The following PCGF5 variants were observed in gnomAD, a reference collection of about 807,000 sequenced individuals.
The protein encoded by PCGF5 is polycomb group ring finger 5.
In PCGF5, 9 loss-of-function variants were observed where a neutral mutation model predicts 44.3. The observed-to-expected ratio is 0.20, with a 90% CI of 0.12 to 0.35. PCGF5 has a LOEUF of 0.35. Among genes scored for constraint, PCGF5 ranks in the 10% least tolerant of loss-of-function variants. The probability of loss-of-function intolerance (pLI) is 1.00; values close to 1 mark genes in which losing one functional copy is unlikely to be tolerated. For synonymous variants in PCGF5, 95 were observed against 102.5 expected (o/e 0.93, Z 0.44); for missense variants, 146 against 305.3 (o/e 0.48, Z 3.89).
At chr10:91,185,866 T>C (rs1241587396) in intron 1 of PCGF5, among the ~76,000 whole-genome samples, 1 of 152,086 alleles carries the variant, frequency 6.6e-6, no homozygotes, top group Non-Finnish European at 1.5e-5. Flanking sequence ...TCATTTTGCC[T>C]TGCTTTTCTC....
At chr10:91,168,853 G>T (rs1470841460) in intron 1 of PCGF5, among the ~76,000 whole-genome samples, 1 of 146,786 alleles carries the variant, frequency 6.8e-6, no homozygotes, top group Non-Finnish European at 1.5e-5. Context: ...ACATGAATCT[G>T]GGAGGCGGAG....
the PCGF5 span, among the ~76,000 whole-genome samples, chr10:91,157,404 T>A: frequency 6.6e-6 from 1 of 152,234 alleles, no homozygotes. Context: ...TGAATTTGAT[T>A]TTATATGGCA....
chr10:91,283,073 A>G lies in PCGF5; in HGVS notation c.*4757A>G, dbSNP rs913219334. The G allele has an allele frequency of 3.3e-5, 5 of 152,264 alleles. No individual in the cohort carries two copies. Among genetic ancestry groups the G allele is most frequent in the Admixed American group, 2.0e-4 (3 of 15,288 alleles). 9.4% of individuals were successfully genotyped at this position (152,264 alleles called of 1,614,324 possible). ...CTAGTTGAGTAGCATTTTGACAGAA[A>G]ATATCAGACTGAAAGTTCATTCAAA... is the stretch of plus-strand genomic sequence containing the variant. On this transcript the variant is annotated 3_prime_UTR_variant, in exon 10 of 10. Transcript: ENST00000336126.
chr10:91,248,364 G>A, intron 3 of PCGF5, 141 bp from the exon 4 acceptor site: 2 of 770,918 alleles, frequency 2.6e-6, no homozygotes, highest in Admixed American at 2.3e-5. Flanking sequence ...GTGTTCCATG[G>A]ACAGAAGAGT....
intron 8 of PCGF5, among the ~76,000 whole-genome samples, chr10:91,265,718 G>C (rs1395741468): frequency 6.6e-6 from 1 of 152,126 alleles, no homozygotes; most frequent in African/African-American, 2.4e-5. Flanking sequence ...TTGGCTCTTT[G>C]CAGAAGAAAT....
At chr10:91,244,509 C>T (rs1176728854) in intron 3 of PCGF5, among the ~76,000 whole-genome samples, 1 of 152,146 alleles carries the variant, frequency 6.6e-6, no homozygotes, top group Non-Finnish European at 1.5e-5. Flanking sequence ...TTATCTTTTA[C>T]TCTGAATGAA....
chr10:91,195,444 A>G (rs561439338), intron 1 of PCGF5, among the ~76,000 whole-genome samples: 2 of 125,730 alleles, frequency 1.6e-5, no homozygotes, highest in African/African-American at 8.7e-5. Context: ...AATCATATGT[A>G]TATATATGCA....
At chr10:91,204,133 A>C in intron 1 of PCGF5, among the ~76,000 whole-genome samples, 1 of 152,300 alleles carries the variant, frequency 6.6e-6, no homozygotes, top group South Asian at 2.1e-4. Flanking sequence ...ATAAAGATTA[A>C]ACTTTTAGAA....
intron 5 of PCGF5, among the ~76,000 whole-genome samples, chr10:91,251,078 CTA>C (rs2133379550): frequency 6.7e-6 from 1 of 149,400 alleles, no homozygotes; most frequent in East Asian, 2.0e-4. Context: ...AAATCTTAAG[CTA>C]TGTTAATAAG....
chr10:91,160,415 A>T (rs7920232), upstream of PCGF5, among the ~76,000 whole-genome samples: 29,627 of 152,158 alleles, frequency 0.19, 4,458 homozygotes, highest in African/African-American at 0.42. Flanking sequence ...GACAGGCAAT[A>T]GCAAAGTCAC....
chr10:91,262,370 G>T (rs147230229), intron 7 of PCGF5, among the ~76,000 whole-genome samples: 2 of 152,264 alleles, frequency 1.3e-5, no homozygotes, highest in East Asian at 3.9e-4. Context: ...GGAGGTTGCA[G>T]TGACCCGAGA....
chr10:91,221,106 C>T (rs947365749), intron 1 of PCGF5, among the ~76,000 whole-genome samples: 1 of 151,734 alleles, frequency 6.6e-6, no homozygotes, highest in African/African-American at 2.4e-5. Context: ...GGGCCTGGGC[C>T]CGCGCACCTG....
At chr10:91,177,681 C>A (rs981132494) in intron 1 of PCGF5, among the ~76,000 whole-genome samples, 1 of 152,218 alleles carries the variant, frequency 6.6e-6, no homozygotes, top group African/African-American at 2.4e-5. Context: ...GAGCGAGGCT[C>A]CATAGGCGTA....
At chr10:91,222,562 T>TAAAC (rs1844710979) in intron 1 of PCGF5, 127 bp from the exon 2 acceptor site, 1 of 446,454 alleles carries the variant, frequency 2.2e-6, no homozygotes, top group Admixed American at 4.0e-5. Context: ...CAATGAAGGA[T>TAAAC]ATGTTCTATT....
chr10:91,225,113 C>G (rs1308984829), intron 2 of PCGF5, among the ~76,000 whole-genome samples: 1 of 149,530 alleles, frequency 6.7e-6, no homozygotes, highest in Non-Finnish European at 1.5e-5. Flanking sequence ...TAGTGAAATC[C>G]CAATTTAAAT....
At chr10:91,170,137 G>A (rs1202430881) in intron 1 of PCGF5, among the ~76,000 whole-genome samples, 1 of 152,162 alleles carries the variant, frequency 6.6e-6, no homozygotes, top group Non-Finnish European at 1.5e-5. Context: ...AATTCAAAAT[G>A]GATCACAGAC....
chr10:91,244,130 A>T (rs1845399424), intron 3 of PCGF5, among the ~76,000 whole-genome samples: 1 of 152,174 alleles, frequency 6.6e-6, no homozygotes, highest in South Asian at 2.1e-4. Context: ...AGAAAGTGAA[A>T]ATTGCAAAGG....
upstream of PCGF5, chr10:91,162,866 C>CCCGCCGCCGCCAGCG (rs912232816): frequency 1.3e-5 from 2 of 149,398 alleles, no homozygotes; most frequent in Admixed American, 6.7e-5. Context: ...TCGCCCCGCG[C>CCCGCCGCCGCCAGCG]CCGCCGCCGC....
intron 7 of PCGF5, among the ~76,000 whole-genome samples, chr10:91,263,786 G>A (rs375692189): frequency 6.6e-6 from 1 of 152,272 alleles, no homozygotes; most frequent in African/African-American, 2.4e-5. Flanking sequence ...GATCCTGTAA[G>A]TATTGTGCAA....
Sources: gnomAD v4.1 joint callset for allele counts (sites outside exome capture counted in the v4.1 genomes callset) on GRCh38, gnomAD v4.1.1 for gene constraint, MANE v1.5 for transcripts, NCBI Gene and HGNC (gene_info 2026-07-23, HGNC 2026-07-21) for gene names.